The following CBLB variants were observed in gnomAD, a reference collection of about 807,000 sequenced individuals.
CBLB encodes E3 ubiquitin-protein ligase CBL-B.
Under a neutral mutation model 104.9 loss-of-function variants are expected in CBLB, and 31 were observed. That is an observed-to-expected ratio of 0.30 (90% CI 0.22 to 0.40). The LOEUF (loss-of-function observed/expected upper bound fraction) is 0.40, where lower values mean the gene tolerates loss of function less well. Ranked by LOEUF, CBLB falls within the 10% of genes least tolerant of loss-of-function variation. The pLI, the probability that CBLB is intolerant of heterozygous loss-of-function variation, is 1.00. For missense variants in CBLB, 1,062 were observed against 1,214.6 expected (o/e 0.87, Z 1.87); for synonymous variants, 440 against 422.6 (o/e 1.04, Z -0.51).
At chr3:105,681,193 C>T in intron 16 of CBLB, 1 of 495,748 alleles carries the variant, frequency 2.0e-6, no homozygotes, top group South Asian at 3.9e-5. Context: ...CACTTCAAAA[C>T]TACTAGAGCA....
intron 17 of CBLB, chr3:105,671,568 C>T (rs891890149): frequency 1.9e-5 from 4 of 208,548 alleles, no homozygotes; most frequent in Non-Finnish European, 2.9e-5. Context: ...AAAGAAGACC[C>T]GATTGAATTT....
At chr3:105,795,899 A>G (rs1036464327) in intron 3 of CBLB, among the ~76,000 whole-genome samples, 1 of 151,814 alleles carries the variant, frequency 6.6e-6, no homozygotes, top group Admixed American at 6.6e-5. Context: ...GCCCACCAAC[A>G]TGCCTGGTTA....
At chr3:105,854,452 T>C (rs568933530) in intron 2 of CBLB, among the ~76,000 whole-genome samples, 52 of 152,322 alleles carry the variant, frequency 3.4e-4, no homozygotes, top group Admixed American at 1.0e-3. Context: ...ATCAACTCTT[T>C]ACATAAATAA....
chr3:105,720,299 A>G (rs1299500944), intron 9 of CBLB, 49 bp from the exon 10 acceptor site: 1 of 1,494,404 alleles, frequency 6.7e-7, no homozygotes, highest in Non-Finnish European at 9.2e-7. Context: ...AATAAACAGT[A>G]CCGAGAAATG....
intron 10 of CBLB, among the ~76,000 whole-genome samples, chr3:105,711,831 A>G (rs1365837172): frequency 2.6e-5 from 4 of 152,144 alleles, no homozygotes; most frequent in Non-Finnish European, 4.4e-5. Flanking sequence ...GAAGTTCACT[A>G]ATTCAAAGGC....
intron 2 of CBLB, 148 bp from the exon 3 acceptor site, chr3:105,853,812 C>CA (rs2091256572): frequency 8.2e-6 from 5 of 612,908 alleles, no homozygotes; most frequent in Middle Eastern, 4.3e-4. Context: ...AACTGATAGT[C>CA]ACGTTTGTCA....
intron 3 of CBLB, among the ~76,000 whole-genome samples, chr3:105,844,159 T>C (rs2089941233): frequency 6.6e-6 from 1 of 152,202 alleles, no homozygotes; most frequent in African/African-American, 2.4e-5. Flanking sequence ...AAGGAATTCC[T>C]GGAGCTACCA....
intron 3 of CBLB, among the ~76,000 whole-genome samples, chr3:105,823,616 T>C (rs1213281525): frequency 6.6e-6 from 1 of 152,188 alleles, no homozygotes; most frequent in Non-Finnish European, 1.5e-5. Context: ...CACCCTTTGA[T>C]AAACAACTTA....
At chr3:105,666,261 A>G (rs1041026635) in intron 18 of CBLB, among the ~76,000 whole-genome samples, 1 of 152,214 alleles carries the variant, frequency 6.6e-6, no homozygotes, top group African/African-American at 2.4e-5. Context: ...AAAAAAATAT[A>G]AATACACTTA....
At chr3:105,817,486 G>A (rs770594702) in intron 3 of CBLB, among the ~76,000 whole-genome samples, 22 of 152,166 alleles carry the variant, frequency 1.4e-4, no homozygotes, top group Non-Finnish European at 2.6e-4. Flanking sequence ...TTAGGAGGAT[G>A]AGAACCCTAC....
At chr3:105,663,506 T>C (rs1434604799) in intron 18 of CBLB, among the ~76,000 whole-genome samples, 1 of 152,152 alleles carries the variant, frequency 6.6e-6, no homozygotes, top group Non-Finnish European at 1.5e-5. Context: ...GCCCTCAGCA[T>C]TCCTCCTGGG....
intron 4 of CBLB, among the ~76,000 whole-genome samples, chr3:105,771,113 T>C (rs1476623768): frequency 6.6e-6 from 1 of 152,146 alleles, no homozygotes; most frequent in Non-Finnish European, 1.5e-5. Flanking sequence ...TACAGACCAA[T>C]ATCTCTGATG....
At chr3:105,748,491 A>G (rs750326717) in intron 5 of CBLB, among the ~76,000 whole-genome samples, 8 of 151,940 alleles carry the variant, frequency 5.3e-5, no homozygotes, top group Non-Finnish European at 1.0e-4. Flanking sequence ...CAGTGACCCC[A>G]TTTTTTCTAA....
intron 18 of CBLB, among the ~76,000 whole-genome samples, chr3:105,669,889 G>A (rs2064881803): frequency 6.6e-6 from 1 of 152,104 alleles, no homozygotes; most frequent in South Asian, 2.1e-4. Context: ...TAATTCCATA[G>A]AGATTGCTAT....
chr3:105,813,747 A>G (rs2084633345), intron 3 of CBLB, among the ~76,000 whole-genome samples: 1 of 152,106 alleles, frequency 6.6e-6, no homozygotes. Flanking sequence ...TATGGAACCA[A>G]TATTACAAGA....
chr3:105,806,479 CA>C (rs367966052), intron 3 of CBLB, among the ~76,000 whole-genome samples: 1 of 125,054 alleles, frequency 8.0e-6, no homozygotes, highest in African/African-American at 3.0e-5. Flanking sequence ...ACTAAAACCT[CA>C]AAAAAAAAAA....
At chr3:105,660,354 A>ATT (rs746956695) in intron 18 of CBLB, among the ~76,000 whole-genome samples, 3 of 143,868 alleles carry the variant, frequency 2.1e-5, no homozygotes, top group African/African-American at 2.5e-5. Flanking sequence ...TGCCTGGCTA[A>ATT]TTTTTTTTTT....
chr3:105,660,809 C>A (rs974496611), intron 18 of CBLB, among the ~76,000 whole-genome samples: 5 of 151,738 alleles, frequency 3.3e-5, no homozygotes, highest in African/African-American at 1.2e-4. Context: ...CAATATTTTT[C>A]CTTTCTAAAT....
chr3:105,837,494 T>C (rs1323668185), intron 3 of CBLB, among the ~76,000 whole-genome samples: 1 of 152,160 alleles, frequency 6.6e-6, no homozygotes, highest in Non-Finnish European at 1.5e-5. Flanking sequence ...AATAAGTCAA[T>C]AAGAAAGCTA....
Sources: gnomAD v4.1 joint callset for allele counts (sites outside exome capture counted in the v4.1 genomes callset) on GRCh38, gnomAD v4.1.1 for gene constraint, MANE v1.5 for transcripts, NCBI Gene and HGNC (gene_info 2026-07-23, HGNC 2026-07-21) for gene names.